Variants in PCDHAC1 observed in about 807,000 individuals in gnomAD.
PCDHAC1 encodes protocadherin alpha subfamily C, 1, also known as protocadherin alpha-C1.
Under a neutral mutation model 60.0 loss-of-function variants are expected in PCDHAC1, and 42 were observed. The ratio of observed to expected loss-of-function variants is 0.70; its 90% CI spans 0.55 to 0.90. The LOEUF is 0.90. PCDHAC1 is among the 40% of genes least tolerant of loss of function. PCDHAC1 has a pLI of 0.00. For synonymous variants in PCDHAC1, 468 were observed against 499.3 expected (o/e 0.94, Z 0.84); for missense variants, 1,160 against 1,222.3 (o/e 0.95, Z 0.76).
At chr5:140,957,919 A>G (rs1477103013) in intron 1 of PCDHAC1, among the ~76,000 whole-genome samples, 1 of 152,158 alleles carries the variant, frequency 6.6e-6, no homozygotes, top group Non-Finnish European at 1.5e-5. Flanking sequence ...TTATCTATGT[A>G]TCAAGCTAAA....
At position 141,009,800 on chromosome 5, in the gene PCDHAC1, A is replaced by G. The variant is rs148436868; in HGVS notation, c.2755A>G (p.Ser919Gly). The stretch of plus-strand genomic sequence containing the variant: ...CTCCATCCGGCAGGAGCCTACTAAC[A>G]GCCAAATTGACAAAAGTGACTTCAT... ...IISIRQEPTN[S>G]QIDKSDFITF... The change falls in exon 4 of 4, where the codon AGC (serine) becomes GGC (glycine). Residue 919 changes from serine to glycine, a missense_variant. By Grantham distance (56) the Ser-to-Gly change is moderately conservative (BLOSUM62 0). Coordinates refer to ENST00000253807, the MANE Select transcript of PCDHAC1 (RefSeq NM_018898.5). 1.2e-4 allele frequency: 190 copies of G among 1,614,158 alleles called. No individual in the cohort carries two copies. In the African/African-American group the frequency reaches 2.3e-3, roughly 19 times the overall value.
intron 1 of PCDHAC1, among the ~76,000 whole-genome samples, chr5:140,945,084 G>A (rs2093736806): frequency 6.6e-6 from 1 of 151,822 alleles, no homozygotes; most frequent in Admixed American, 6.6e-5. Context: ...AACACTCTTG[G>A]AACTAATAAA....
intron 1 of PCDHAC1, among the ~76,000 whole-genome samples, chr5:140,937,621 GAAAA>G (rs1276369305): frequency 1.4e-5 from 2 of 142,038 alleles, no homozygotes; most frequent in Non-Finnish European, 3.1e-5. Context: ...CATCTAAAAA[GAAAA>G]AGAAAGGCAG....
intron 1 of PCDHAC1, chr5:140,967,572 A>G: frequency 6.2e-7 from 1 of 1,613,544 alleles, no homozygotes; most frequent in Non-Finnish European, 8.5e-7. Flanking sequence ...CTACGGGAGG[A>G]CTCACCCCCA....
chr5:140,969,214 A>G (rs906572071), intron 1 of PCDHAC1: 5 of 1,614,194 alleles, frequency 3.1e-6, no homozygotes, highest in Non-Finnish European at 4.2e-6. Context: ...CCCAGACAGG[A>G]CCAGGGCCTT....
At chr5:140,961,248 G>A (rs144956279) in intron 1 of PCDHAC1, among the ~76,000 whole-genome samples, 129 of 152,276 alleles carry the variant, frequency 8.5e-4, no homozygotes, top group African/African-American at 1.8e-3. Flanking sequence ...GAATTTATCC[G>A]AAGCTCCAGG....
intron 3 of PCDHAC1, among the ~76,000 whole-genome samples, chr5:140,994,104 T>C (rs1356172498): frequency 6.6e-6 from 1 of 152,210 alleles, no homozygotes; most frequent in Non-Finnish European, 1.5e-5. Context: ...ATGGAAATAT[T>C]ACATTGTCAT....
At chr5:140,967,498 T>A (rs1554229623) in intron 1 of PCDHAC1, 3 of 1,613,108 alleles carry the variant, frequency 1.9e-6, no homozygotes, top group Non-Finnish European at 2.5e-6. Flanking sequence ...CACAGATCTC[T>A]GTGCGTGTCC....
At chr5:140,969,241 A>G (rs1554231627) in intron 1 of PCDHAC1, 2 of 1,614,230 alleles carry the variant, frequency 1.2e-6, no homozygotes, top group Admixed American at 3.3e-5. Context: ...CCCAAGCAGC[A>G]GTGACTGACA....
intron 3 of PCDHAC1, among the ~76,000 whole-genome samples, chr5:140,997,728 A>G (rs1376007377): frequency 6.6e-6 from 1 of 152,030 alleles, no homozygotes; most frequent in Non-Finnish European, 1.5e-5. Flanking sequence ...ACGTCAGTAC[A>G]TATAGATTTG....
intron 1 of PCDHAC1, among the ~76,000 whole-genome samples, chr5:140,963,686 G>A (rs181667037): frequency 2.7e-4 from 41 of 152,226 alleles, no homozygotes; most frequent in Middle Eastern, 3.4e-3. Flanking sequence ...GTGTTTATCC[G>A]TGTTTGATAT....
At position 140,927,451 on chromosome 5, in the gene PCDHAC1, T is replaced by C. The variant is rs782170767; in HGVS notation, c.559T>C (p.Leu187=). The C allele has an allele frequency of 2.5e-6, 4 of 1,614,082 alleles. No homozygotes were observed. Among genetic ancestry groups the C allele is most frequent in the South Asian group, 1.1e-5 (1 of 91,086 alleles). Residue 187 remains leucine, a synonymous_variant, in exon 1 of 4, where the codon TTG becomes CTG. Coordinates refer to ENST00000253807, the MANE Select transcript of PCDHAC1 (RefSeq NM_018898.5). ...VDGSEYPELV[L]EKALDREQRA... is the part of the protein sequence containing the mutation. ...CGGCAGCGAATACCCGGAGTTGGTGTTGGAGAAAGCACTGGATCGCGAACA... is the reference window on the plus strand; with the variant it reads ...CGGCAGCGAATACCCGGAGTTGGTGCTGGAGAAAGCACTGGATCGCGAACA...
intron 1 of PCDHAC1, among the ~76,000 whole-genome samples, chr5:140,949,473 G>A (rs2094384488): frequency 6.6e-6 from 1 of 151,492 alleles, no homozygotes; most frequent in South Asian, 2.1e-4. Flanking sequence ...CCTGTTATTA[G>A]GCACACACAT....
chr5:141,009,315 C>G (rs1292643535), intron 3 of PCDHAC1, among the ~76,000 whole-genome samples: 2 of 152,132 alleles, frequency 1.3e-5, no homozygotes, highest in Admixed American at 6.6e-5. Context: ...AAAAGCTAGC[C>G]TGGCATGGGA....
chr5:140,989,745 C>A (rs1554251059), intron 3 of PCDHAC1, among the ~76,000 whole-genome samples: 2 of 152,154 alleles, frequency 1.3e-5, no homozygotes, highest in African/African-American at 4.8e-5. Context: ...ATTGCCTAAT[C>A]TGGAGAAACA....
chr5:140,990,998 T>C (rs994699186), intron 3 of PCDHAC1, among the ~76,000 whole-genome samples: 1 of 152,216 alleles, frequency 6.6e-6, no homozygotes, highest in Non-Finnish European at 1.5e-5. Flanking sequence ...CTACCATTTA[T>C]TGAGAACTGT....
At chr5:140,984,132 G>A (rs1395953013) in intron 3 of PCDHAC1, among the ~76,000 whole-genome samples, 1 of 152,240 alleles carries the variant, frequency 6.6e-6, no homozygotes, top group African/African-American at 2.4e-5. Context: ...GTTGCAGGAT[G>A]TGGAGGCATC....
rs552832365 is a variant in PCDHAC1, at chr5:140,928,668, T to C, written c.1776T>C (p.Ser592=). ...TAGCAGAGGATGCTGACAGTGGTTC[T>C]AATGCCTGGCTTTCCTACCACATCT... is the stretch of plus-strand genomic sequence containing the variant. The part of the protein sequence containing the change: ...KVVAEDADSG[S]NAWLSYHISR... The change falls in exon 1 of 4, where the codon TCT becomes TCC. Residue 592 remains serine, a synonymous_variant. Transcript: ENST00000253807. The C allele has an allele frequency of 2.4e-4, 388 of 1,614,234 alleles. 3 individuals are homozygous for C. The South Asian group carries it at 4.0e-3, about 17-fold the overall frequency.
At chr5:140,951,626 C>G (rs1182328214) in intron 1 of PCDHAC1, among the ~76,000 whole-genome samples, 1 of 152,180 alleles carries the variant, frequency 6.6e-6, no homozygotes, top group East Asian at 1.9e-4. Context: ...AAGGGGGAAA[C>G]CTGCCCCATG....
Sources: gnomAD v4.1 joint callset for allele counts (sites outside exome capture counted in the v4.1 genomes callset) on GRCh38, gnomAD v4.1.1 for gene constraint, MANE v1.5 for transcripts, NCBI Gene and HGNC (gene_info 2026-07-23, HGNC 2026-07-21) for gene names.